The following C4orf50 variants were observed in gnomAD, a reference collection of about 807,000 sequenced individuals.
C4orf50 encodes the protein chromosome 4 open reading frame 50.
C4orf50 carries 80 observed loss-of-function variants against 77.2 expected under a neutral mutation model. That is an observed-to-expected ratio of 1.04 (90% CI 0.87 to 1.25). C4orf50 has a LOEUF of 1.25. Among genes scored for constraint, C4orf50 ranks in the 50% most tolerant of loss-of-function variants. The pLI, the probability that C4orf50 is intolerant of heterozygous loss-of-function variation, is 0.00. For missense variants in C4orf50, 1,257 were observed against 1,152.9 expected, an observed-to-expected ratio of 1.09 and a Z score of -1.31; for synonymous variants, 532 against 465.3, an observed-to-expected ratio of 1.14 and a Z score of -1.84.
chr4:5,994,349 G>T, exon 26 of C4orf50: 1 of 399,272 alleles, frequency 2.5e-6, no homozygotes, highest in Non-Finnish European at 4.4e-6. Flanking sequence ...CCGCGCACCT[G>T]CTGGGGCCCT....
chr4:5,999,744 C>G (rs932044770), intron 25 of C4orf50, among the ~76,000 whole-genome samples: 4 of 152,160 alleles, frequency 2.6e-5, no homozygotes, highest in Non-Finnish European at 5.9e-5. Context: ...TCAGGGCCAC[C>G]AGAGGTGGCT....
Position 6,007,945 on chromosome 4 carries a change from G to A in C4orf50, c.963+51C>T, listed in dbSNP as rs967026955. 2 of 399,222 alleles carry A rather than the reference G, an allele frequency of 5.0e-6. No homozygotes were observed. The highest frequency in any genetic ancestry group is 8.8e-5 in the Admixed American group (2 of 22,734). 24.7% of individuals were successfully genotyped at this position (399,222 alleles called of 1,614,324 possible). On this transcript the variant is annotated intron_variant, in intron 25 of 33. Coordinates refer to ENST00000531445, the Ensembl canonical transcript of C4orf50. This position sits in a 1 kb window ranked among gnomAD's most constrained non-coding sequence, Gnocchi z 4.1. ...CAATGACTTCACCAAGTGGCTGGAG[G>A]AGAAGGAGAAAGGCAAAAGATCATT...
rs763836859 is a variant in C4orf50 at position 5,975,139 on chromosome 4, C to CA, written c.3921+759dup. Among the ~76,000 whole-genome samples, 26 of 82,866 alleles carry CA rather than the reference C, an allele frequency of 3.1e-4. 5 individuals carry two copies. The highest frequency in any genetic ancestry group is 5.5e-4 in the Non-Finnish European group (23 of 41,526). The allele number at this position is 82,866 out of a possible 152,430, so 54.4% of individuals were successfully genotyped here. A position where few individuals can be genotyped will look rare whatever the true frequency, so the allele number is the denominator to read the frequency against. Reference sequence around the variant, plus strand: ...TGGGCGACAGAGTGACACTCCATCTCAAAAAAAAAAAAAAAAAAAAAAAAA... The same window carrying CA: ...TGGGCGACAGAGTGACACTCCATCTCAAAAAAAAAAAAAAAAAAAAAAAAAA... On this transcript the variant is annotated intron_variant, in intron 30 of 33. Transcript: ENST00000531445.
intron 29 of C4orf50, among the ~76,000 whole-genome samples, chr4:5,977,182 C>T (rs1197659723): frequency 6.6e-6 from 1 of 152,210 alleles, no homozygotes; most frequent in Non-Finnish European, 1.5e-5. Context: ...CTGAGTCATG[C>T]CCACTGATCC....
chr4:5,971,423 C>A (rs1455066686), intron 31 of C4orf50, among the ~76,000 whole-genome samples: 2 of 152,194 alleles, frequency 1.3e-5, no homozygotes, highest in African/African-American at 2.4e-5. Flanking sequence ...CCCGACTCCT[C>A]CCCTGGGGAC....
chr4:5,918,372 A>T (rs1269358497), intron 7 of C4orf50, among the ~76,000 whole-genome samples: 1 of 152,218 alleles, frequency 6.6e-6, no homozygotes, highest in East Asian at 1.9e-4. Flanking sequence ...CTGGAATTCA[A>T]ACCTGGGTAA....
At chr4:5,926,221 A>G (rs1717505414) in intron 7 of C4orf50, among the ~76,000 whole-genome samples, 1 of 152,242 alleles carries the variant, frequency 6.6e-6, no homozygotes, top group South Asian at 2.1e-4. Context: ...TAACCTAAAT[A>G]TGGCCCATCT....
At chr4:6,004,131 A>C (rs1184774307) in intron 25 of C4orf50, among the ~76,000 whole-genome samples, 1 of 15,286 alleles carries the variant, frequency 6.5e-5, no homozygotes, top group Non-Finnish European at 1.4e-4. Context: ...GATAGTGATG[A>C]TGGTGATGGT....
At position 6,008,465 on chromosome 4, in the gene C4orf50, C is replaced by T. The variant is rs76084292; in HGVS notation, c.494G>A (p.Arg165His). The T allele has an allele frequency of 0.23, 93,267 of 397,368 alleles. 12,234 individuals carry two copies. Among genetic ancestry groups the T allele is most frequent in the Non-Finnish European group, 0.27 (60,677 of 225,336 alleles). The allele number at this position is 397,368 out of a possible 1,614,324, so 24.6% of individuals were successfully genotyped here. A position where few individuals can be genotyped will look rare whatever the true frequency, so the allele number is the denominator to read the frequency against. The change falls in exon 25 of 34, where the codon CGC becomes CAC. Residue 165 changes from arginine to histidine, a missense_variant. Transcript: ENST00000531445. This position sits in a 1 kb window ranked among gnomAD's most constrained non-coding sequence, Gnocchi z 6.0. The stretch of plus-strand genomic sequence containing the variant: ...CTGCTGCCCCAGTGCCTCGTCCTTG[C>T]GCCGCAACCGCTCCTGCAACCGCCG...
At chr4:5,977,316 A>C (rs1427163487) in intron 29 of C4orf50, among the ~76,000 whole-genome samples, 1 of 152,194 alleles carries the variant, frequency 6.6e-6, no homozygotes. Context: ...TAAAAAAATC[A>C]AATAAAAAGC....
intron 25 of C4orf50, among the ~76,000 whole-genome samples, chr4:5,996,574 C>T (rs1252779641): frequency 2.0e-5 from 3 of 152,196 alleles, no homozygotes; most frequent in Non-Finnish European, 2.9e-5. Context: ...CCTTCTGGGA[C>T]CTGCTTAAAG....
chr4:6,004,438 A>G (rs1577993083), intron 25 of C4orf50, among the ~76,000 whole-genome samples: 1 of 87,978 alleles, frequency 1.1e-5, no homozygotes, highest in Non-Finnish European at 2.3e-5. Context: ...GGTGGTGATG[A>G]TGTGATGGTA....
At chr4:5,931,610 C>G (rs1038358685) in intron 7 of C4orf50, among the ~76,000 whole-genome samples, 4 of 152,134 alleles carry the variant, frequency 2.6e-5, no homozygotes, top group African/African-American at 9.7e-5. Flanking sequence ...AGGCTCTGCG[C>G]GGCTGTTTTC....
intron 7 of C4orf50, among the ~76,000 whole-genome samples, chr4:5,906,557 C>T (rs1227331376): frequency 1.3e-5 from 2 of 152,182 alleles, no homozygotes; most frequent in South Asian, 2.1e-4. Context: ...AGAGAGGGAC[C>T]CTAGGAAAAT....
rs142152564 is a variant in C4orf50 at position 5,992,116 on chromosome 4, C to T, written c.1221+687G>A. Among the ~76,000 whole-genome samples, 35 of 152,294 alleles carry T rather than the reference C, an allele frequency of 2.3e-4. No homozygotes were observed. Among genetic ancestry groups the T allele is most frequent in the African/African-American group, 8.2e-4 (34 of 41,548 alleles). Reference sequence around the variant, plus strand: ...GGCACCTCCGTGTTCTAAGACATTGCCCTGGGCTTCAAGGGAAGGGGGCGG... The same window carrying T: ...GGCACCTCCGTGTTCTAAGACATTGTCCTGGGCTTCAAGGGAAGGGGGCGG... On this transcript the variant is annotated intron_variant, in intron 27 of 33. Coordinates refer to ENST00000531445, the Ensembl canonical transcript of C4orf50. The surrounding 1 kb of genome is among the most constrained non-coding windows in gnomAD (Gnocchi z 5.0).
chr4:5,991,630 C>T (rs1721300700), intron 27 of C4orf50, among the ~76,000 whole-genome samples: 2 of 152,246 alleles, frequency 1.3e-5, no homozygotes, highest in Admixed American at 6.5e-5. Context: ...ACTGTGAGTC[C>T]GCAGGGGCTC....
rs761947817 is a variant in C4orf50 at position 6,015,184 on chromosome 4, AC to A, written c.287+2960del. Among the ~76,000 whole-genome samples the A allele has an allele frequency of 1.3e-5, 2 of 152,056 alleles. No individual in the cohort carries two copies. The highest frequency in any genetic ancestry group is 2.9e-5 in the Non-Finnish European group (2 of 68,022). On this transcript the variant is annotated intron_variant, in intron 23 of 33. Coordinates refer to ENST00000531445, the Ensembl canonical transcript of C4orf50. This position sits in a 1 kb window ranked among gnomAD's most constrained non-coding sequence, Gnocchi z 4.4. ...CCCTGCATCCTGTGTTGAAGGCCTA[AC>A]CCCCAAGTTCCTTAGAATGTGATTA...
intron 7 of C4orf50, among the ~76,000 whole-genome samples, chr4:5,946,218 C>T (rs527292710): frequency 6.6e-6 from 1 of 152,264 alleles, no homozygotes; most frequent in South Asian, 2.1e-4. Flanking sequence ...CAGGAGTGCA[C>T]AGTCAGCTGC....
chr4:5,943,642 T>C (rs1209706643), intron 7 of C4orf50, among the ~76,000 whole-genome samples: 1 of 152,218 alleles, frequency 6.6e-6, no homozygotes, highest in African/African-American at 2.4e-5. Context: ...AGAGACGCTT[T>C]ACAAACTGTG....
Sources: gnomAD v4.1 joint callset for allele counts (sites outside exome capture counted in the v4.1 genomes callset) on GRCh38, gnomAD v4.1.1 for gene constraint, Gnocchi (gnomAD v3.1) non-coding constraint, MANE v1.5 for transcripts, NCBI Gene and HGNC (gene_info 2026-07-23, HGNC 2026-07-21) for gene names.